B4GALNT2: variants seen among roughly 807,000 people sequenced by gnomAD.
The protein encoded by B4GALNT2 is N-acetylneuraminylgalactosylglucosyl-glucoside beta-1,4-N- acetylgalactosaminyltransferase 2.
A neutral mutation model predicts 51.1 loss-of-function variants in B4GALNT2; 42 were observed. The observed-to-expected ratio is 0.82, with a 90% confidence interval of 0.64 to 1.06. The LOEUF is 1.06. Among genes scored for constraint, B4GALNT2 ranks in the 50% least tolerant of loss-of-function variants. The pLI, the probability that B4GALNT2 is intolerant of heterozygous loss-of-function variation, is 0.00. For missense variants in B4GALNT2, 602 were observed against 633.6 expected, an observed-to-expected ratio of 0.95 and a Z score of 0.54; for synonymous variants, 253 against 251.7, an observed-to-expected ratio of 1.01 and a Z score of -0.05.
In B4GALNT2 at chr17:49,174,130, G is replaced by A. The variant is rs2042973964; in HGVS notation, c.*4402G>A. 2 of 152,196 alleles carry A rather than the reference G, an allele frequency of 1.3e-5. No homozygotes were observed. Among genetic ancestry groups the A allele is most frequent in the African/African-American group, 4.8e-5 (2 of 41,436 alleles). The allele number at this position is 152,196 out of a possible 1,614,324, so 9.4% of individuals were successfully genotyped here. A position where few individuals can be genotyped will look rare whatever the true frequency, so the allele number is the denominator to read the frequency against. ...CTCCAAGTAGGAGTAAGGAGTAGCAGTCTGAATTTTGTCAGGAGCTATAAT... is the reference window on the plus strand; with the variant it reads ...CTCCAAGTAGGAGTAAGGAGTAGCAATCTGAATTTTGTCAGGAGCTATAAT... On this transcript the variant is annotated 3_prime_UTR_variant, in exon 11 of 11. Coordinates refer to ENST00000393354, the MANE Select transcript of B4GALNT2 (RefSeq NM_001159387.2).
intron 7 of B4GALNT2, among the ~76,000 whole-genome samples, chr17:49,160,921 A>G (rs1284689803): frequency 6.6e-6 from 1 of 152,208 alleles, no homozygotes; most frequent in Admixed American, 6.5e-5. Flanking sequence ...AATGGTATTG[A>G]ATCAAATTGG....
Position 49,152,872 on chromosome 17 carries a change from G to A in B4GALNT2, c.426G>A (p.Val142=). The A allele has an allele frequency of 6.2e-7, 1 of 1,611,432 alleles. No individual in the cohort carries two copies. The highest frequency in any genetic ancestry group is 8.5e-7 in the Non-Finnish European group (1 of 1,178,710). Residue 142 remains valine (V), a synonymous_variant, in exon 4 of 11, where the codon GTG becomes GTA. Coordinates refer to ENST00000393354, the MANE Select transcript of B4GALNT2 (RefSeq NM_001159387.2). ...CCTTTGGGTACCCAGTCCACGGAGT[G>A]GAGGTGATGCCCCTGCACACGGTTC... The part of the protein sequence containing the change: ...NLPFGYPVHG[V]EVMPLHTVPI...
At chr17:49,150,780 C>G (rs2042745659) in intron 3 of B4GALNT2, among the ~76,000 whole-genome samples, 1 of 149,730 alleles carries the variant, frequency 6.7e-6, no homozygotes, top group South Asian at 2.1e-4. Context: ...GGGACACAAA[C>G]ACTGCGGAAG....
At chr17:49,149,276 G>A (rs560694066) in intron 3 of B4GALNT2, among the ~76,000 whole-genome samples, 46 of 151,980 alleles carry the variant, frequency 3.0e-4, no homozygotes, top group African/African-American at 1.1e-3. Context: ...TTAGATTGTT[G>A]AAAAACCTTC....
chr17:49,132,849 G>T, intron 1 of B4GALNT2, 43 bp downstream of exon 1: 1 of 1,370,644 alleles, frequency 7.3e-7, no homozygotes, highest in Non-Finnish European at 9.4e-7. Flanking sequence ...GTGAAACTTC[G>T]GGAGCAGGGA....
At position 49,173,962 on chromosome 17, in the gene B4GALNT2, A is replaced by C. The variant is rs543968275; in HGVS notation, c.*4234A>C. 5 of 134,404 alleles carry C rather than the reference A, an allele frequency of 3.7e-5. No individual in the cohort carries two copies. In the East Asian group the frequency reaches 9.9e-4, roughly 27 times the overall value. The allele number at this position is 134,404 out of a possible 1,614,324, so 8.3% of individuals were successfully genotyped here. ...AGACTAGCATCTCCTCTAAGGTTAG[A>C]AAATGGCATAGGTAGGAATGCCTAG... On this transcript the variant is annotated 3_prime_UTR_variant, in exon 11 of 11. Coordinates refer to ENST00000393354, the MANE Select transcript of B4GALNT2 (RefSeq NM_001159387.2).
rs936351741 is a variant in B4GALNT2 at position 49,132,861 on chromosome 17, C to G, written c.14+55C>G. 5.1e-6 allele frequency: 7 copies of G among 1,368,280 alleles called. No homozygotes were observed. The African/African-American group carries it at 1.1e-4, about 21-fold the overall frequency. The allele number at this position is 1,368,280 out of a possible 1,614,324, so 84.8% of individuals were successfully genotyped here. ...GAGGTGAAACTTCGGGAGCAGGGAGCGCCGCGGGTCCTTTCTGGCGTCTGC... is the reference window on the plus strand; with the variant it reads ...GAGGTGAAACTTCGGGAGCAGGGAGGGCCGCGGGTCCTTTCTGGCGTCTGC... On this transcript the variant is annotated intron_variant, in intron 1 of 10. Transcript: ENST00000393354.
At chr17:49,167,040 T>TA in intron 9 of B4GALNT2, among the ~76,000 whole-genome samples, 1 of 152,150 alleles carries the variant, frequency 6.6e-6, no homozygotes, top group Middle Eastern at 3.4e-3. Flanking sequence ...GATGAGAAGG[T>TA]AAGTGGTGTC....
In B4GALNT2 at chr17:49,166,108, C is replaced by G. The variant is rs749031533; in HGVS notation, c.955-6C>G. On this transcript the variant is annotated splice_polypyrimidine_tract_variant and splice_region_variant and intron_variant, in intron 8 of 10. Coordinates refer to ENST00000393354, the MANE Select transcript of B4GALNT2 (RefSeq NM_001159387.2). ...AACCACTCCTTTAACCTCATTTCAT[C>G]TACAGGGTTGGTTTGCTGGTAGGAA... 1 of 1,613,528 alleles carries G rather than the reference C, an allele frequency of 6.2e-7. No individual in the cohort carries two copies. The highest frequency in any genetic ancestry group is 1.1e-5 in the South Asian group (1 of 90,992).
At chr17:49,159,710 T>C (rs1348040499) in intron 6 of B4GALNT2, among the ~76,000 whole-genome samples, 1 of 152,176 alleles carries the variant, frequency 6.6e-6, no homozygotes, top group Non-Finnish European at 1.5e-5. Context: ...TCATAATTAC[T>C]GTACCCAGTA....
rs114986987 is a variant in B4GALNT2, at chr17:49,159,189, G to C, written c.651G>C (p.Thr217=). ...TTCAGCACGTGACATACACCAGCAC[G>C]GGGTACCAGCACCAGAAGGTAGACA... ...FILQHVTYTS[T]GYQHQKVDIV... is the part of the protein sequence containing the mutation. The change falls in exon 6 of 11, where the codon ACG becomes ACC. Residue 217 remains threonine, a synonymous_variant. Transcript: ENST00000393354. 14 of 1,614,050 alleles carry C rather than the reference G, an allele frequency of 8.7e-6. No homozygotes were observed. Among genetic ancestry groups the C allele is most frequent in the Non-Finnish European group, 1.2e-5 (14 of 1,180,034 alleles).
At chr17:49,134,568 A>G (rs1213253270) in intron 1 of B4GALNT2, among the ~76,000 whole-genome samples, 1 of 150,832 alleles carries the variant, frequency 6.6e-6, no homozygotes, top group Non-Finnish European at 1.5e-5. Flanking sequence ...GCGCGCCACC[A>G]TGCCCAACTA....
rs1336677786 is a variant in B4GALNT2, at chr17:49,166,215, G to A, written c.1056G>A (p.Glu352=). 2 of 1,614,150 alleles carry A rather than the reference G, an allele frequency of 1.2e-6. No homozygotes were observed. The highest frequency in any genetic ancestry group is 8.5e-7 in the Non-Finnish European group (1 of 1,180,022). The part of the protein sequence containing the change: ...DFLFNEETKI[E]VLVDVLEKTE... ...TCTTCAACGAGGAGACCAAGATTGAGGTGCTGGTGGATGTCCTGGAGAAAA... is the reference window on the plus strand; with the variant it reads ...TCTTCAACGAGGAGACCAAGATTGAAGTGCTGGTGGATGTCCTGGAGAAAA... Residue 352 remains glutamate (E), a synonymous_variant, in exon 9 of 11, where the codon GAG becomes GAA. Coordinates refer to ENST00000393354, the MANE Select transcript of B4GALNT2 (RefSeq NM_001159387.2).
Position 49,175,754 on chromosome 17 carries a change from A to C in B4GALNT2, c.*6026A>C, listed in dbSNP as rs2042983358. ...TCTAGCTGGCTCAATTCCTGCCTGAATAGAACTGAGAGCAGTCACTCGAGG... is the reference window on the plus strand; with the variant it reads ...TCTAGCTGGCTCAATTCCTGCCTGACTAGAACTGAGAGCAGTCACTCGAGG... On this transcript the variant is annotated 3_prime_UTR_variant, in exon 11 of 11. Coordinates refer to ENST00000393354, the MANE Select transcript of B4GALNT2 (RefSeq NM_001159387.2). 6.6e-6 allele frequency: 1 copy of C among 152,192 alleles called. No individual in the cohort carries two copies. The highest frequency in any genetic ancestry group is 1.5e-5 in the Non-Finnish European group (1 of 68,046). 9.4% of individuals were successfully genotyped at this position (152,192 alleles called of 1,614,324 possible). A position where few individuals can be genotyped will look rare whatever the true frequency, so the allele number is the denominator to read the frequency against.
At position 49,146,373 on chromosome 17, in the gene B4GALNT2, C is replaced by T. The variant is rs187376844; in HGVS notation, c.353+4201C>T. ...TTGCCCAGGCTGGAGCGCAATGGCA[C>T]GATCTCAGCTAACTGCAACCTCCAC... On this transcript the variant is annotated intron_variant, in intron 3 of 10. Coordinates refer to ENST00000393354, the MANE Select transcript of B4GALNT2 (RefSeq NM_001159387.2). 2.0e-3 allele frequency among the ~76,000 whole-genome samples: 303 copies of T among 152,158 alleles called. 5 individuals are homozygous for T. Among genetic ancestry groups the T allele is most frequent in the Admixed American group, 0.017 (263 of 15,282 alleles).
chr17:49,169,019 T>G, intron 10 of B4GALNT2, 119 bp downstream of exon 10: 1 of 1,024,330 alleles, frequency 9.8e-7, no homozygotes, highest in Admixed American at 2.5e-5. Flanking sequence ...TAGCAGTACA[T>G]CCCTTTCCCC....
intron 4 of B4GALNT2, 85 bp from the exon 5 acceptor site, chr17:49,156,481 A>C (rs2042811342): frequency 2.1e-6 from 3 of 1,411,986 alleles, no homozygotes; most frequent in Middle Eastern, 3.5e-4. Context: ...AAGGATGTGC[A>C]GGAGTCCATG....
intron 7 of B4GALNT2, among the ~76,000 whole-genome samples, chr17:49,161,144 A>G (rs944136988): frequency 5.3e-5 from 8 of 152,010 alleles, no homozygotes; most frequent in African/African-American, 1.9e-4. Flanking sequence ...GCGTGGTGGC[A>G]GGCACCTGTA....
the B4GALNT2 span, among the ~76,000 whole-genome samples, chr17:49,121,976 T>C: frequency 5.9e-5 from 9 of 152,254 alleles, no homozygotes; most frequent in Admixed American, 1.3e-4. Flanking sequence ...CTGTCAGGAG[T>C]GCTCTCTCTT....
Sources: gnomAD v4.1 joint callset for allele counts (sites outside exome capture counted in the v4.1 genomes callset) on GRCh38, gnomAD v4.1.1 for gene constraint, MANE v1.5 for transcripts, NCBI Gene and HGNC (gene_info 2026-07-23, HGNC 2026-07-21) for gene names.